Variants in PPP2R2B observed in about 807,000 individuals in gnomAD.
The protein encoded by PPP2R2B is serine/threonine-protein phosphatase 2A 55 kDa regulatory subunit B beta isoform.
Under a neutral mutation model 46.0 loss-of-function variants are expected in PPP2R2B, and 5 were observed. The ratio of observed to expected loss-of-function variants is 0.11; its 90% CI spans 0.06 to 0.23. PPP2R2B has a LOEUF of 0.23. Among genes scored for constraint, PPP2R2B ranks in the 10% least tolerant of loss-of-function variants. The pLI, the probability that PPP2R2B is intolerant of heterozygous loss-of-function variation, is 1.00. For missense variants in PPP2R2B, 367 were observed against 575.0 expected, an observed-to-expected ratio of 0.64 and a Z score of 3.70; for synonymous variants, 215 against 206.7, an observed-to-expected ratio of 1.04 and a Z score of -0.34.
At chr5:146,782,367 T>G (rs1755582817) in intron 2 of PPP2R2B, among the ~76,000 whole-genome samples, 1 of 152,212 alleles carries the variant, frequency 6.6e-6, no homozygotes, top group South Asian at 2.1e-4. Context: ...TGAACCAACT[T>G]TACATTTAGA....
At chr5:146,969,036 C>T (rs1752555306) in intron 1 of PPP2R2B, among the ~76,000 whole-genome samples, 1 of 152,230 alleles carries the variant, frequency 6.6e-6, no homozygotes, top group South Asian at 2.1e-4. Flanking sequence ...TATTTGTCAA[C>T]TCCAGCCTAC....
At chr5:146,923,345 G>C (rs1763673736) in intron 1 of PPP2R2B, among the ~76,000 whole-genome samples, 1 of 152,186 alleles carries the variant, frequency 6.6e-6, no homozygotes, top group Non-Finnish European at 1.5e-5. Context: ...CAGAGCCTAA[G>C]TAGAACTGGA....
At chr5:146,840,371 T>C (rs1289387297) in intron 2 of PPP2R2B, among the ~76,000 whole-genome samples, 1 of 152,242 alleles carries the variant, frequency 6.6e-6, no homozygotes, top group African/African-American at 2.4e-5. Flanking sequence ...TGCAGGGCTC[T>C]TATAATTAAA....
intron 5 of PPP2R2B, among the ~76,000 whole-genome samples, chr5:146,686,203 A>G (rs1778491462): frequency 6.6e-6 from 1 of 152,216 alleles, no homozygotes; most frequent in South Asian, 2.1e-4. Flanking sequence ...GGATTGTTCC[A>G]GGTGCCGGAG....
intron 2 of PPP2R2B, among the ~76,000 whole-genome samples, chr5:146,782,762 A>G (rs934768927): frequency 2.0e-5 from 3 of 151,984 alleles, no homozygotes; most frequent in Non-Finnish European, 4.4e-5. Context: ...GGTTATTTCA[A>G]TATGTAAAAT....
intron 1 of PPP2R2B, among the ~76,000 whole-genome samples, chr5:147,040,486 G>C (rs1016124074): frequency 6.6e-6 from 1 of 152,084 alleles, no homozygotes; most frequent in Non-Finnish European, 1.5e-5. Context: ...AGTTAGACAG[G>C]GACAAATGCA....
chr5:146,713,119 CA>C (rs2151184004), intron 2 of PPP2R2B, among the ~76,000 whole-genome samples: 1 of 152,270 alleles, frequency 6.6e-6, no homozygotes, highest in East Asian at 1.9e-4. Context: ...AGGGAGGCTG[CA>C]ATTTCAATAG....
At chr5:146,684,516 G>T (rs527733418) in intron 5 of PPP2R2B, among the ~76,000 whole-genome samples, 1 of 152,162 alleles carries the variant, frequency 6.6e-6, no homozygotes, top group Non-Finnish European at 1.5e-5. Flanking sequence ...GCCCCTCAGA[G>T]CCAGTTACCC....
intron 5 of PPP2R2B, among the ~76,000 whole-genome samples, chr5:146,689,886 C>G (rs181532874): frequency 3.3e-5 from 5 of 152,296 alleles, no homozygotes; most frequent in Non-Finnish European, 5.9e-5. Context: ...AGAAGCAGCT[C>G]AACTGAAGAC....
At chr5:146,812,789 G>GTGTATATATATATATATATATATATA (rs1757672535) in intron 2 of PPP2R2B, among the ~76,000 whole-genome samples, 1 of 6,416 alleles carries the variant, frequency 1.6e-4, no homozygotes, top group South Asian at 6.7e-3. Context: ...GTGTGTATAT[G>GTGTATATATATATATATATATATATA]TGTGTATATA....
intron 1 of PPP2R2B, among the ~76,000 whole-genome samples, chr5:146,917,622 TATAAATAAGGTGGGTTACAA>T (rs1342708514): frequency 6.6e-6 from 1 of 152,244 alleles, no homozygotes; most frequent in Admixed American, 6.5e-5. Context: ...TCACATTTTT[TATAAATAAGGTGGGTTACAA>T]ATAAATAAAT....
intron 1 of PPP2R2B, among the ~76,000 whole-genome samples, chr5:147,038,954 T>C (rs1163156335): frequency 6.6e-6 from 1 of 152,154 alleles, no homozygotes; most frequent in Non-Finnish European, 1.5e-5. Flanking sequence ...TATTTGAGAT[T>C]ATTGATTTTT....
intron 1 of PPP2R2B, among the ~76,000 whole-genome samples, chr5:146,912,418 TGAAA>T (rs1291746992): frequency 6.6e-6 from 1 of 152,022 alleles, no homozygotes; most frequent in Non-Finnish European, 1.5e-5. Flanking sequence ...GTGAGCATTC[TGAAA>T]GAAAGAATAG....
intron 1 of PPP2R2B, among the ~76,000 whole-genome samples, chr5:147,055,062 G>A (rs181919053): frequency 3.9e-5 from 6 of 152,276 alleles, no homozygotes; most frequent in East Asian, 3.9e-4. Context: ...TGGGGAAGGT[G>A]TAGAAGGCTC....
intron 1 of PPP2R2B, among the ~76,000 whole-genome samples, chr5:147,013,123 T>G (rs10052803): frequency 0.032 from 4,797 of 147,892 alleles, 264 homozygotes; most frequent in African/African-American, 0.11. Flanking sequence ...AGGAGTGAAC[T>G]CCCATTCACA....
chr5:146,598,147 G>A (rs1771382653), intron 8 of PPP2R2B, among the ~76,000 whole-genome samples: 1 of 152,108 alleles, frequency 6.6e-6, no homozygotes. Flanking sequence ...CACTCCAATT[G>A]GACATTTATT....
chr5:146,836,980 G>C (rs568770876), intron 2 of PPP2R2B, among the ~76,000 whole-genome samples: 1 of 152,246 alleles, frequency 6.6e-6, no homozygotes, highest in East Asian at 1.9e-4. Context: ...TTGGTTTTAG[G>C]TGCTACGCCA....
At chr5:146,792,787 A>C (rs1436080656) in intron 2 of PPP2R2B, among the ~76,000 whole-genome samples, 1 of 152,196 alleles carries the variant, frequency 6.6e-6, no homozygotes, top group Non-Finnish European at 1.5e-5. Context: ...CAAGAAGGCT[A>C]CGGGACAGGC....
At chr5:146,667,671 G>A (rs1281608907) in intron 5 of PPP2R2B, among the ~76,000 whole-genome samples, 1 of 152,044 alleles carries the variant, frequency 6.6e-6, no homozygotes, top group Non-Finnish European at 1.5e-5. Flanking sequence ...GACTTGGCAA[G>A]CTGTTAGGAA....
Sources: gnomAD v4.1 joint callset for allele counts (sites outside exome capture counted in the v4.1 genomes callset) on GRCh38, gnomAD v4.1.1 for gene constraint, MANE v1.5 for transcripts, NCBI Gene and HGNC (gene_info 2026-07-23, HGNC 2026-07-21) for gene names.